The following NELL1 variants were observed in gnomAD, a reference collection of about 807,000 sequenced individuals.
NELL1 encodes the protein protein kinase C-binding protein NELL1.
Under a neutral mutation model 107.4 loss-of-function variants are expected in NELL1, and 76 were observed. The ratio of observed to expected loss-of-function variants is 0.71; its 90% CI spans 0.59 to 0.86. NELL1 has a LOEUF of 0.86. NELL1 is among the 40% of genes least tolerant of loss of function. NELL1 has a pLI of 0.00. For missense variants in NELL1, 1,024 were observed against 1,005.5 expected (o/e 1.02, Z -0.25); for synonymous variants, 353 against 341.2 (o/e 1.03, Z -0.38).
intron 4 of NELL1, among the ~76,000 whole-genome samples, chr11:20,851,806 A>T (rs1190731750): frequency 6.6e-6 from 1 of 152,214 alleles, no homozygotes. Context: ...TAGTCATTTT[A>T]ACTTCGTTCT....
chr11:21,054,121 A>G (rs990933281), intron 12 of NELL1, among the ~76,000 whole-genome samples: 2 of 152,110 alleles, frequency 1.3e-5, no homozygotes, highest in African/African-American at 4.8e-5. Context: ...GAGATAAACC[A>G]TAGTTAACAT....
intron 3 of NELL1, among the ~76,000 whole-genome samples, chr11:20,836,200 C>A (rs1212733025): frequency 6.7e-6 from 1 of 150,260 alleles, no homozygotes; most frequent in African/African-American, 2.4e-5. Context: ...TGCTCAATAT[C>A]ATTTATCATT....
chr11:21,064,274 C>T (rs1035171488), intron 12 of NELL1, among the ~76,000 whole-genome samples: 4 of 152,110 alleles, frequency 2.6e-5, no homozygotes, highest in Non-Finnish European at 5.9e-5. Context: ...ATGGCACTAA[C>T]TTCCTCTTTA....
At chr11:21,140,058 C>T (rs929963523) in intron 13 of NELL1, among the ~76,000 whole-genome samples, 5 of 152,130 alleles carry the variant, frequency 3.3e-5, no homozygotes, top group Non-Finnish European at 5.9e-5. Flanking sequence ...CTAGAAAGCT[C>T]CTTTTTCAGG....
chr11:21,358,547 T>G (rs979330794), intron 14 of NELL1, among the ~76,000 whole-genome samples: 2 of 148,632 alleles, frequency 1.3e-5, no homozygotes, highest in Non-Finnish European at 3.0e-5. Context: ...TACAGACACA[T>G]GCCACCATGC....
At chr11:21,324,719 A>G (rs1024915572) in intron 14 of NELL1, among the ~76,000 whole-genome samples, 1 of 152,106 alleles carries the variant, frequency 6.6e-6, no homozygotes, top group Admixed American at 6.6e-5. Flanking sequence ...CCAAGGTGCT[A>G]GAGAACAGAG....
chr11:21,191,059 T>C (rs1220277088), intron 13 of NELL1, among the ~76,000 whole-genome samples: 3 of 151,906 alleles, frequency 2.0e-5, no homozygotes, highest in African/African-American at 7.3e-5. Flanking sequence ...TTAGCTGTGC[T>C]GCTTTCTAGC....
chr11:20,984,014 C>T (rs565136618), intron 12 of NELL1, among the ~76,000 whole-genome samples: 2 of 152,276 alleles, frequency 1.3e-5, no homozygotes, highest in Admixed American at 1.3e-4. Context: ...CTACTCCTTA[C>T]TAGCTTCACT....
chr11:21,339,067 C>T (rs1850503240), intron 14 of NELL1, among the ~76,000 whole-genome samples: 1 of 152,178 alleles, frequency 6.6e-6, no homozygotes, highest in Non-Finnish European at 1.5e-5. Flanking sequence ...CTATTCTAAT[C>T]CCCACTGTTC....
intron 15 of NELL1, among the ~76,000 whole-genome samples, chr11:21,444,091 A>T (rs1254508735): frequency 6.6e-6 from 1 of 152,122 alleles, no homozygotes; most frequent in Non-Finnish European, 1.5e-5. Context: ...GTGTGTATAC[A>T]TTGACACCAC....
intron 12 of NELL1, among the ~76,000 whole-genome samples, chr11:20,975,560 A>G (rs999816623): frequency 2.3e-5 from 3 of 130,474 alleles, no homozygotes; most frequent in Non-Finnish European, 5.0e-5. Flanking sequence ...ACATATATGT[A>G]CAGATATAAT....
At chr11:20,901,330 T>C (rs1386595571) in intron 5 of NELL1, among the ~76,000 whole-genome samples, 2 of 152,026 alleles carry the variant, frequency 1.3e-5, no homozygotes, top group African/African-American at 4.8e-5. Flanking sequence ...AAAACTGCAA[T>C]TAAATATTTT....
At chr11:20,905,912 T>C (rs1201597737) in intron 5 of NELL1, among the ~76,000 whole-genome samples, 4 of 152,134 alleles carry the variant, frequency 2.6e-5, no homozygotes, top group Non-Finnish European at 5.9e-5. Flanking sequence ...TGATGAAATA[T>C]ATGAATCTAT....
intron 12 of NELL1, among the ~76,000 whole-genome samples, chr11:20,987,499 CAT>C (rs1851877283): frequency 6.6e-6 from 1 of 152,262 alleles, no homozygotes; most frequent in South Asian, 2.1e-4. Context: ...GGGAAGCAAA[CAT>C]GTCCTTCTTC....
chr11:20,823,075 A>G (rs1857795725), intron 3 of NELL1, among the ~76,000 whole-genome samples: 1 of 140,838 alleles, frequency 7.1e-6, no homozygotes, highest in African/African-American at 2.5e-5. Context: ...AGGTCTGTAT[A>G]TTAGTCTGTT....
chr11:20,971,048 C>A (rs1851490433), intron 12 of NELL1, among the ~76,000 whole-genome samples: 1 of 152,150 alleles, frequency 6.6e-6, no homozygotes, highest in South Asian at 2.1e-4. Context: ...CAAACTCTCG[C>A]AGTCAGGCTG....
In NELL1 at chr11:20,866,456, G is replaced by GA. The variant is rs1362617923; in HGVS notation, c.506+18707dup. Among the ~76,000 whole-genome samples the GA allele has an allele frequency of 2.0e-5, 3 of 152,170 alleles. No homozygotes were observed. In the East Asian group the frequency reaches 5.8e-4, roughly 29 times the overall value. ...GATGGACTCTCTGGTAAGGCCTTTG[G>GA]AAAATAAAGTTATGTGGTCCAAAAG... On this transcript the variant is annotated intron_variant, in intron 4 of 19. Transcript: ENST00000357134.
intron 12 of NELL1, among the ~76,000 whole-genome samples, chr11:21,053,263 C>T (rs1402853656): frequency 6.6e-6 from 1 of 152,078 alleles, no homozygotes; most frequent in Non-Finnish European, 1.5e-5. Context: ...AATGCTATCC[C>T]TCCCCTAGCC....
chr11:21,348,751 T>A (rs1423463256), intron 14 of NELL1, among the ~76,000 whole-genome samples: 2 of 152,156 alleles, frequency 1.3e-5, no homozygotes, highest in African/African-American at 4.8e-5. Flanking sequence ...AAAATCCCCA[T>A]AGGACTACTA....
Sources: gnomAD v4.1 joint callset for allele counts (sites outside exome capture counted in the v4.1 genomes callset) on GRCh38, gnomAD v4.1.1 for gene constraint, MANE v1.5 for transcripts, NCBI Gene and HGNC (gene_info 2026-07-23, HGNC 2026-07-21) for gene names.